CSGALNACT2: variants seen among roughly 807,000 people sequenced by gnomAD.
The protein encoded by CSGALNACT2 is beta 4 GalNAcT-2.
A neutral mutation model predicts 55.3 loss-of-function variants in CSGALNACT2; 35 were observed. The ratio of observed to expected loss-of-function variants is 0.63; its 90% CI spans 0.48 to 0.84. The LOEUF (loss-of-function observed/expected upper bound fraction) is 0.84, where lower values mean the gene tolerates loss of function less well. Among genes scored for constraint, CSGALNACT2 ranks in the 40% least tolerant of loss-of-function variants. CSGALNACT2 has a pLI of 0.00. For missense variants in CSGALNACT2, 544 were observed against 657.5 expected (o/e 0.83, Z 1.89); for synonymous variants, 196 against 224.9 (o/e 0.87, Z 1.15).
intron 2 of CSGALNACT2, among the ~76,000 whole-genome samples, chr10:43,156,440 T>C (rs1165476835): frequency 6.6e-6 from 1 of 152,232 alleles, no homozygotes; most frequent in Non-Finnish European, 1.5e-5. Flanking sequence ...ATATTAACAG[T>C]AATAATTCTA....
chr10:43,167,183 T>TA (rs1839285251), intron 6 of CSGALNACT2, 85 bp downstream of exon 6: 1 of 837,144 alleles, frequency 1.2e-6, no homozygotes, highest in African/African-American at 1.7e-5. Flanking sequence ...AAAGTTTCAA[T>TA]AAAAAACTGT....
At chr10:43,180,212 T>C (rs1166660572) in intron 7 of CSGALNACT2, among the ~76,000 whole-genome samples, 1 of 152,240 alleles carries the variant, frequency 6.6e-6, no homozygotes, top group African/African-American at 2.4e-5. Flanking sequence ...TCTGTTCCCT[T>C]GTTTCCTTTC....
intron 5 of CSGALNACT2, among the ~76,000 whole-genome samples, chr10:43,164,416 C>T (rs1193451606): frequency 6.6e-6 from 1 of 152,166 alleles, no homozygotes; most frequent in Non-Finnish European, 1.5e-5. Context: ...ATATAGCGTC[C>T]ACACATGCAA....
chr10:43,163,584 T>G, intron 4 of CSGALNACT2: 6 of 985,430 alleles, frequency 6.1e-6, no homozygotes, highest in Non-Finnish European at 7.2e-6. Context: ...TGTGTATTTT[T>G]CAACTCCCCA....
At position 43,160,564 on chromosome 10, in the gene CSGALNACT2, AAAGTC is replaced by A; in HGVS notation, c.955_959del (p.Lys319TyrfsTer8). 1 of 1,583,906 alleles carries A rather than the reference AAAGTC, an allele frequency of 6.3e-7. No individual in the cohort carries two copies. The highest frequency in any genetic ancestry group is 1.7e-5 in the Admixed American group (1 of 59,666). On this transcript the variant is annotated frameshift_variant, in exon 4 of 8. Coordinates refer to ENST00000374466, the MANE Select transcript of CSGALNACT2 (RefSeq NM_018590.5). LOFTEE classifies it high-confidence loss of function. ...GTATTTTGGTAAAGAAGGACTGTCT[AAAGTC>A]AAGTCTATCCTAGAATCTGTCACCA...
At position 43,144,721 on chromosome 10, in the gene CSGALNACT2, C is replaced by T. The variant is rs190975825; in HGVS notation, c.-254+6154C>T. On this transcript the variant is annotated intron_variant, in intron 1 of 7. Transcript: ENST00000374466. The stretch of plus-strand genomic sequence containing the variant: ...TGATAAGTTTTAACATATGTATACA[C>T]CTGTGAAATCATCACTGCAACCAAA... 3.3e-5 allele frequency among the ~76,000 whole-genome samples: 5 copies of T among 152,242 alleles called. No homozygotes were observed. In the East Asian group the frequency reaches 9.6e-4, roughly 29 times the overall value.
chr10:43,172,030 G>C (rs1839392356), intron 6 of CSGALNACT2, among the ~76,000 whole-genome samples: 1 of 152,226 alleles, frequency 6.6e-6, no homozygotes, highest in Non-Finnish European at 1.5e-5. Flanking sequence ...ACTGGGGGAT[G>C]GGAGCTCCTC....
In CSGALNACT2 at chr10:43,163,472, A is replaced by AC. The variant is rs1839194994; in HGVS notation, c.981-393dup. The AC allele has an allele frequency of 6.2e-6, 6 of 971,542 alleles. No homozygotes were observed. The South Asian group carries it at 2.4e-4, about 39-fold the overall frequency. 60.2% of individuals were successfully genotyped at this position (971,542 alleles called of 1,614,324 possible). A position where few individuals can be genotyped will look rare whatever the true frequency, so the allele number is the denominator to read the frequency against. On this transcript the variant is annotated intron_variant, in intron 4 of 7. Coordinates refer to ENST00000374466, the MANE Select transcript of CSGALNACT2 (RefSeq NM_018590.5). The stretch of plus-strand genomic sequence containing the variant: ...TAGGGAGGATCCCTCTGATAAGGCG[A>AC]CATGTGTGCAAAGACCTAACGGATG...
chr10:43,163,515 T>C (rs1034113539), intron 4 of CSGALNACT2: 19 of 985,274 alleles, frequency 1.9e-5, no homozygotes, highest in Non-Finnish European at 2.2e-5. Flanking sequence ...AGAGTGATCT[T>C]TGTGTGTGTT....
At chr10:43,142,726 C>T (rs889320672) in intron 1 of CSGALNACT2, among the ~76,000 whole-genome samples, 3 of 152,144 alleles carry the variant, frequency 2.0e-5, no homozygotes, top group African/African-American at 7.2e-5. Flanking sequence ...CAGAAATGGA[C>T]TTATGCATAT....
intron 1 of CSGALNACT2, among the ~76,000 whole-genome samples, chr10:43,139,535 G>A (rs1442789605): frequency 1.3e-5 from 2 of 152,182 alleles, no homozygotes; most frequent in Non-Finnish European, 2.9e-5. Flanking sequence ...ATAAGAGCAC[G>A]AATCTTAATT....
intron 7 of CSGALNACT2, among the ~76,000 whole-genome samples, chr10:43,180,863 A>G (rs1300683678): frequency 6.6e-6 from 1 of 152,166 alleles, no homozygotes; most frequent in African/African-American, 2.4e-5. Context: ...CCTGGACAGG[A>G]TGACTAGAAG....
At chr10:43,159,071 TTC>T in intron 3 of CSGALNACT2, 140 bp downstream of exon 3, 1 of 606,620 alleles carries the variant, frequency 1.6e-6, no homozygotes. Flanking sequence ...TTTTTTTATA[TTC>T]TCTCTTTTTT....
At chr10:43,169,793 C>T (rs1216593768) in intron 6 of CSGALNACT2, among the ~76,000 whole-genome samples, 4 of 152,126 alleles carry the variant, frequency 2.6e-5, no homozygotes, top group African/African-American at 9.7e-5. Context: ...ATAGCAAAAC[C>T]CAGTTTGTTC....
At chr10:43,151,663 G>A (rs1838877738) in intron 1 of CSGALNACT2, among the ~76,000 whole-genome samples, 1 of 152,280 alleles carries the variant, frequency 6.6e-6, no homozygotes, top group Non-Finnish European at 1.5e-5. Flanking sequence ...TCTGTGTGCA[G>A]CTGTATCCAC....
chr10:43,162,614 A>T (rs1839176046), intron 4 of CSGALNACT2: 1 of 985,298 alleles, frequency 1.0e-6, no homozygotes, highest in African/African-American at 1.7e-5. Context: ...CCTTTGTTCC[A>T]TCTCTCCATT....
At chr10:43,158,599 A>G (rs1482880432) in intron 2 of CSGALNACT2, 116 bp from the exon 3 acceptor site, 6 of 625,252 alleles carry the variant, frequency 9.6e-6, no homozygotes, top group Non-Finnish European at 1.4e-5. Flanking sequence ...CAAATAGGTA[A>G]AAATCCTGCA....
chr10:43,173,378 G>T (rs2050975360), intron 6 of CSGALNACT2, among the ~76,000 whole-genome samples: 3 of 152,198 alleles, frequency 2.0e-5, no homozygotes, highest in African/African-American at 7.2e-5. Flanking sequence ...AGAGGCCAAG[G>T]CTTGGGTATA....
intron 2 of CSGALNACT2, among the ~76,000 whole-genome samples, chr10:43,158,479 T>G (rs2133118553): frequency 6.6e-6 from 1 of 152,356 alleles, no homozygotes; most frequent in Admixed American, 6.5e-5. Flanking sequence ...ACAATTGTCA[T>G]TTGTAGTATA....
Sources: allele counts gnomAD v4.1 joint callset (sites outside exome capture counted in the v4.1 genomes callset), GRCh38; gene constraint gnomAD v4.1.1; transcripts MANE v1.5; gene names NCBI Gene and HGNC (gene_info 2026-07-23, HGNC 2026-07-21).